The following BBS9 variants were observed in gnomAD, a reference collection of about 807,000 sequenced individuals.
BBS9 encodes protein PTHB1.
Under a neutral mutation model 117.7 loss-of-function variants are expected in BBS9, and 89 were observed. That is an observed-to-expected ratio of 0.76 (90% CI 0.64 to 0.90). BBS9 has a LOEUF of 0.90. Ranked by LOEUF, BBS9 falls within the 40% of genes least tolerant of loss-of-function variation. The pLI is 0.00. For missense variants in BBS9, 982 were observed against 1,042.2 expected, an observed-to-expected ratio of 0.94 and a Z score of 0.80; for synonymous variants, 379 against 370.9, an observed-to-expected ratio of 1.02 and a Z score of -0.25.
At chr7:33,229,832 C>T (rs1583756246) in intron 5 of BBS9, among the ~76,000 whole-genome samples, 1 of 152,236 alleles carries the variant, frequency 6.6e-6, no homozygotes, top group East Asian at 1.9e-4. Flanking sequence ...TGGAAACCTC[C>T]ATCCTATTTT....
intron 18 of BBS9, among the ~76,000 whole-genome samples, chr7:33,387,291 A>C (rs1483097487): frequency 1.3e-5 from 2 of 152,092 alleles, no homozygotes; most frequent in Admixed American, 1.3e-4. Context: ...ATTTGTATTA[A>C]CTTTTATGTA....
chr7:33,273,072 C>G lies in BBS9; in HGVS notation c.763C>G (p.Gln255Glu). ...ALDICIVSFN[Q>E]SASSVFVLGE... ...TGACATATGTATTGTCTCTTTCAAT[C>G]AGTCGGCATCCTCTGTTTTTGTTCT... The change falls in exon 8 of 23, where the codon CAG becomes GAG. Residue 255 changes from glutamine (Q) to glutamate (E), a missense_variant. Physicochemically the swap from Gln to Glu is conservative, Grantham distance 29 (BLOSUM62 2). Coordinates refer to ENST00000242067, the MANE Select transcript of BBS9 (RefSeq NM_198428.3). 1 of 1,613,656 alleles carries G rather than the reference C, an allele frequency of 6.2e-7. No homozygotes were observed. Among genetic ancestry groups the G allele is most frequent in the Non-Finnish European group, 8.5e-7 (1 of 1,179,774 alleles).
intron 19 of BBS9, among the ~76,000 whole-genome samples, chr7:33,410,650 C>G (rs891295121): frequency 6.6e-6 from 1 of 152,254 alleles, no homozygotes; most frequent in Non-Finnish European, 1.5e-5. Flanking sequence ...GGATCAGGTA[C>G]GTTATTTCTC....
At chr7:33,205,742 T>C (rs1394949193) in intron 5 of BBS9, among the ~76,000 whole-genome samples, 1 of 152,198 alleles carries the variant, frequency 6.6e-6, no homozygotes, top group East Asian at 1.9e-4. Flanking sequence ...TGTTCATATA[T>C]TTGATTTCTA....
intron 9 of BBS9, among the ~76,000 whole-genome samples, chr7:33,286,687 T>G (rs72496118): frequency 0.084 from 12,842 of 152,060 alleles, 576 homozygotes; most frequent in South Asian, 0.13. Flanking sequence ...TATTTGTGTG[T>G]GGGGGGCAGT....
intron 5 of BBS9, among the ~76,000 whole-genome samples, chr7:33,188,609 T>G (rs1317505670): frequency 1.3e-5 from 2 of 152,142 alleles, no homozygotes; most frequent in Admixed American, 1.3e-4. Flanking sequence ...GAGCATGGTG[T>G]CATGGAAGGA....
At chr7:33,588,737 C>T (rs532678375) in intron 21 of BBS9, among the ~76,000 whole-genome samples, 1 of 152,066 alleles carries the variant, frequency 6.6e-6, no homozygotes, top group African/African-American at 2.4e-5. Context: ...GTTCACAAGA[C>T]AATTTTTGAA....
intron 19 of BBS9, among the ~76,000 whole-genome samples, chr7:33,432,211 C>T (rs776183468): frequency 6.7e-4 from 102 of 151,448 alleles, no homozygotes; most frequent in Non-Finnish European, 1.2e-3. Context: ...CAGGTTCACG[C>T]CGTTCTCTTG....
intron 17 of BBS9, chr7:33,380,077 C>G (rs1824682551): frequency 6.4e-6 from 1 of 155,164 alleles, no homozygotes; most frequent in Admixed American, 6.5e-5. Flanking sequence ...TGCACGGGAG[C>G]TGGAGGAGCT....
In BBS9 at chr7:33,461,162, C is replaced by T; in HGVS notation, c.2116-44301C>T. ...TGATGGATATTTGGGCTATTTCCACCTTTTGGTTATTGTGAATAGAGCTGC... is the reference window on the plus strand; with the variant it reads ...TGATGGATATTTGGGCTATTTCCACTTTTTGGTTATTGTGAATAGAGCTGC... On this transcript the variant is annotated intron_variant, in intron 19 of 22. Transcript: ENST00000242067. 1.3e-5 allele frequency among the ~76,000 whole-genome samples: 2 copies of T among 151,740 alleles called. 1 individual carries two copies. Among genetic ancestry groups the T allele is most frequent in the East Asian group, 3.9e-4 (2 of 5,166 alleles).
At chr7:33,541,494 C>A (rs1172600986) in intron 21 of BBS9, among the ~76,000 whole-genome samples, 4 of 152,096 alleles carry the variant, frequency 2.6e-5, no homozygotes, top group Non-Finnish European at 5.9e-5. Flanking sequence ...TCAGTGCTAC[C>A]ATAAAAAATA....
chr7:33,183,186 A>G (rs1228387245), intron 5 of BBS9, among the ~76,000 whole-genome samples: 1 of 152,166 alleles, frequency 6.6e-6, no homozygotes, highest in Non-Finnish European at 1.5e-5. Flanking sequence ...CACGAGGGAA[A>G]CAGATGTCTT....
chr7:33,610,642 T>C (rs1469475075), downstream of BBS9, among the ~76,000 whole-genome samples: 2 of 152,100 alleles, frequency 1.3e-5, no homozygotes, highest in African/African-American at 4.8e-5. Flanking sequence ...GTCTCGCCTC[T>C]AAATACTGTT....
At position 33,594,194 on chromosome 7, in the gene BBS9, T is replaced by C. The variant is rs188269482; in HGVS notation, c.2522-10671T>C. On this transcript the variant is annotated intron_variant, in intron 21 of 22. Transcript: ENST00000242067. ...TTAAAATGTATTAGACTCTCTTTTA[T>C]TCACACGCTTTATCTCTGCTCTGAG... Among the ~76,000 whole-genome samples the C allele has an allele frequency of 1.1e-3, 163 of 152,282 alleles. 2 individuals carry two copies. The highest frequency in any genetic ancestry group is 3.8e-3 in the African/African-American group (156 of 41,566).
chr7:33,587,295 C>G (rs1415519094), intron 21 of BBS9, among the ~76,000 whole-genome samples: 1 of 152,058 alleles, frequency 6.6e-6, no homozygotes, highest in African/African-American at 2.4e-5. Flanking sequence ...TCCATTCTCT[C>G]CCTTCCTTTT....
intron 19 of BBS9, among the ~76,000 whole-genome samples, chr7:33,407,402 G>T (rs1451933556): frequency 6.6e-6 from 1 of 152,182 alleles, no homozygotes; most frequent in African/African-American, 2.4e-5. Context: ...GCTCGGAGTA[G>T]TTTGATCGTC....
At chr7:33,582,356 G>A (rs372122008) in intron 21 of BBS9, among the ~76,000 whole-genome samples, 9 of 152,190 alleles carry the variant, frequency 5.9e-5, no homozygotes, top group African/African-American at 2.2e-4. Flanking sequence ...CTGCTTGGAA[G>A]GGGTGGTGTC....
intron 21 of BBS9, among the ~76,000 whole-genome samples, chr7:33,557,501 T>C (rs1282337314): frequency 1.3e-5 from 2 of 151,366 alleles, no homozygotes; most frequent in African/African-American, 4.9e-5. Context: ...TTTCAATAAC[T>C]GACAGACTTA....
At chr7:33,146,188 CATA>C in intron 1 of BBS9, 51 bp from the exon 2 acceptor site, 1 of 1,220,832 alleles carries the variant, frequency 8.2e-7, no homozygotes, top group African/African-American at 1.5e-5. Context: ...TGCCTTAAGA[CATA>C]ATTATTAGTT....
Sources: gnomAD v4.1 joint callset for allele counts (sites outside exome capture counted in the v4.1 genomes callset) on GRCh38, gnomAD v4.1.1 for gene constraint, MANE v1.5 for transcripts, NCBI Gene and HGNC (gene_info 2026-07-23, HGNC 2026-07-21) for gene names.